Variants in LPP observed in about 807,000 individuals in gnomAD.
LPP encodes LIM domain containing preferred translocation partner in lipoma, also known as lipoma-preferred partner.
In LPP, 38 loss-of-function variants were observed where a neutral mutation model predicts 60.4. That is an observed-to-expected ratio of 0.63 (90% CI 0.49 to 0.83). LPP has a LOEUF of 0.83. LPP is among the 40% of genes least tolerant of loss of function. The pLI, the probability that LPP is intolerant of heterozygous loss-of-function variation, is 0.00. For missense variants in LPP, 902 were observed against 783.6 expected, an observed-to-expected ratio of 1.15 and a Z score of -1.80; for synonymous variants, 328 against 290.8, an observed-to-expected ratio of 1.13 and a Z score of -1.30.
At chr3:188,497,382 T>G (rs1810550554) in intron 5 of LPP, among the ~76,000 whole-genome samples, 1 of 152,242 alleles carries the variant, frequency 6.6e-6, no homozygotes, top group African/African-American at 2.4e-5. Context: ...GGATTTATCT[T>G]AAAAAATAAA....
At chr3:188,558,469 A>G (rs1389724990) in intron 6 of LPP, among the ~76,000 whole-genome samples, 1 of 151,992 alleles carries the variant, frequency 6.6e-6, no homozygotes, top group Non-Finnish European at 1.5e-5. Flanking sequence ...ATACCCTGTT[A>G]TGGTTGTGGT....
Position 188,418,551 on chromosome 3 carries a change from A to C in LPP, c.193+12238A>C, listed in dbSNP as rs189615588. Among the ~76,000 whole-genome samples, 87 of 152,312 alleles carry C rather than the reference A, an allele frequency of 5.7e-4. 1 individual carries two copies. The highest frequency in any genetic ancestry group is 1.2e-3 in the East Asian group (6 of 5,190). On this transcript the variant is annotated intron_variant, in intron 4 of 11. Transcript: ENST00000617246. ...GTCTGTAGCTGTTCCTCAGCAGTAC[A>C]CTGTATCTCATGTTAATGCCATTAT... is the stretch of plus-strand genomic sequence containing the variant.
At chr3:188,295,082 C>T (rs1181854735) in intron 2 of LPP, among the ~76,000 whole-genome samples, 1 of 152,164 alleles carries the variant, frequency 6.6e-6, no homozygotes. Context: ...AGCCGGTGGA[C>T]GTGTGTAGAG....
At chr3:188,619,875 C>A (rs898540555) in intron 7 of LPP, among the ~76,000 whole-genome samples, 9 of 152,164 alleles carry the variant, frequency 5.9e-5, no homozygotes, top group African/African-American at 2.2e-4. Flanking sequence ...ATATCAAAAT[C>A]AAAAATTAAC....
intron 9 of LPP, among the ~76,000 whole-genome samples, chr3:188,829,680 A>C (rs563508607): frequency 6.6e-6 from 1 of 152,242 alleles, no homozygotes; most frequent in South Asian, 2.1e-4. Flanking sequence ...CGACACCTGA[A>C]ATCCTATTAT....
In LPP at chr3:188,877,183, T is replaced by C. The variant is rs538144671; in HGVS notation, c.*2704T>C. 2 of 175,124 alleles carry C rather than the reference T, an allele frequency of 1.1e-5. No individual in the cohort carries two copies. The highest frequency in any genetic ancestry group is 2.0e-4 in the East Asian group (2 of 10,086). 10.8% of individuals were successfully genotyped at this position (175,124 alleles called of 1,614,324 possible). ...TCTATTAATCATTTGATTTAAACAA[T>C]GCCAAGTCACTCTTTTTTAGTTGCA... On this transcript the variant is annotated 3_prime_UTR_variant, in exon 12 of 12. Coordinates refer to ENST00000617246, the MANE Select transcript of LPP (RefSeq NM_001375462.1).
chr3:188,203,516 A>T lies in LPP; in HGVS notation c.-189-21889A>T, dbSNP rs554427953. ...AAATATATATAAATATATATATTTA[A>T]ATATATATAAATATATATTTAAATA... On this transcript the variant is annotated intron_variant, in intron 1 of 11. Coordinates refer to ENST00000617246, the MANE Select transcript of LPP (RefSeq NM_001375462.1). Among the ~76,000 whole-genome samples the T allele has an allele frequency of 4.4e-3, 285 of 64,506 alleles. 4 individuals are homozygous for T. The highest frequency in any genetic ancestry group is 0.015 in the African/African-American group (254 of 17,432). The allele number at this position is 64,506 out of a possible 152,430, so 42.3% of individuals were successfully genotyped here. A position where few individuals can be genotyped will look rare whatever the true frequency, so the allele number is the denominator to read the frequency against.
intron 2 of LPP, among the ~76,000 whole-genome samples, chr3:188,248,600 T>C (rs548808081): frequency 2.0e-5 from 3 of 151,158 alleles, no homozygotes; most frequent in African/African-American, 7.3e-5. Flanking sequence ...ATTCAGTTGA[T>C]GTTTCTTGAC....
At chr3:188,365,702 T>TA (rs1553876223) in intron 3 of LPP, among the ~76,000 whole-genome samples, 2 of 148,598 alleles carry the variant, frequency 1.3e-5, no homozygotes, top group East Asian at 2.0e-4. Flanking sequence ...TTTTTTTTTT[T>TA]ACTCTGTTGA....
intron 9 of LPP, among the ~76,000 whole-genome samples, chr3:188,843,527 C>T (rs1760580326): frequency 1.3e-5 from 2 of 152,052 alleles, no homozygotes; most frequent in Non-Finnish European, 2.9e-5. Context: ...GTGGCTCACG[C>T]CTGTAATCCC....
At chr3:188,190,322 G>T (rs543312539) in intron 1 of LPP, among the ~76,000 whole-genome samples, 46 of 152,278 alleles carry the variant, frequency 3.0e-4, no homozygotes, top group African/African-American at 1.1e-3. Flanking sequence ...GCCTCCCAAA[G>T]TGCTGGGATT....
At chr3:188,333,001 G>C (rs1365015497) in intron 2 of LPP, among the ~76,000 whole-genome samples, 1 of 132,340 alleles carries the variant, frequency 7.6e-6, no homozygotes, top group Non-Finnish European at 1.5e-5. Context: ...CATAAAGATA[G>C]GTGTGGTGAC....
chr3:188,780,172 T>C (rs1739187764), intron 9 of LPP, among the ~76,000 whole-genome samples: 1 of 152,102 alleles, frequency 6.6e-6, no homozygotes, highest in Non-Finnish European at 1.5e-5. Context: ...TCCGACGAGG[T>C]ACAGAAATCA....
chr3:188,167,591 T>TTG (rs1458889680), intron 1 of LPP, among the ~76,000 whole-genome samples: 7 of 21,326 alleles, frequency 3.3e-4, no homozygotes, highest in African/African-American at 8.2e-4. Context: ...GTGTGTGTTG[T>TTG]TTTTTTTTTT....
intron 4 of LPP, among the ~76,000 whole-genome samples, chr3:188,440,224 G>T (rs992496317): frequency 4.6e-5 from 7 of 152,150 alleles, no homozygotes; most frequent in African/African-American, 1.7e-4. Context: ...TTTGGTAAAT[G>T]CTAACTGTGT....
intron 2 of LPP, among the ~76,000 whole-genome samples, chr3:188,324,971 CT>C (rs753701294): frequency 2.0e-5 from 3 of 151,250 alleles, no homozygotes; most frequent in South Asian, 2.1e-4. Flanking sequence ...ATGTTCTCTC[CT>C]TTTTTTTTCT....
intron 2 of LPP, among the ~76,000 whole-genome samples, chr3:188,286,780 T>C (rs1744067198): frequency 6.6e-6 from 1 of 152,212 alleles, no homozygotes; most frequent in Admixed American, 6.5e-5. Flanking sequence ...CAAGCATATA[T>C]GGAGGATATA....
intron 9 of LPP, among the ~76,000 whole-genome samples, chr3:188,807,617 T>C (rs933303836): frequency 2.0e-5 from 3 of 152,160 alleles, no homozygotes; most frequent in Non-Finnish European, 2.9e-5. Flanking sequence ...CTTTCCCCAG[T>C]TGAGTCTGCT....
At chr3:188,809,420 T>C (rs1376207335) in intron 9 of LPP, among the ~76,000 whole-genome samples, 1 of 152,230 alleles carries the variant, frequency 6.6e-6, no homozygotes, top group Non-Finnish European at 1.5e-5. Context: ...TGATTTGCAT[T>C]TATCTAATGA....
Sources: gnomAD v4.1 joint callset for allele counts (sites outside exome capture counted in the v4.1 genomes callset) on GRCh38, gnomAD v4.1.1 for gene constraint, MANE v1.5 for transcripts, NCBI Gene and HGNC (gene_info 2026-07-23, HGNC 2026-07-21) for gene names.